MAD1L1: variants seen among roughly 807,000 people sequenced by gnomAD.
MAD1L1 encodes the protein mitotic spindle assembly checkpoint protein MAD1.
In MAD1L1, 95 loss-of-function variants were observed where a neutral mutation model predicts 96.9. The ratio of observed to expected loss-of-function variants is 0.98; its 90% confidence interval spans 0.83 to 1.16. MAD1L1 has a LOEUF of 1.16. Ranked by LOEUF, MAD1L1 falls within the 50% of genes most tolerant of loss-of-function variation. The probability of loss-of-function intolerance (pLI) is 0.00; values close to 1 mark genes in which losing one functional copy is unlikely to be tolerated. For synonymous variants in MAD1L1, 473 were observed against 396.6 expected, an observed-to-expected ratio of 1.19 and a Z score of -2.29; for missense variants, 1,007 against 954.4, an observed-to-expected ratio of 1.06 and a Z score of -0.73.
At chr7:1,894,307 G>A (rs1054143283) in intron 18 of MAD1L1, among the ~76,000 whole-genome samples, 2 of 152,148 alleles carry the variant, frequency 1.3e-5, no homozygotes, top group Non-Finnish European at 2.9e-5. Flanking sequence ...GGGAAGAGTC[G>A]GCTTACAGGG....
chr7:1,888,400 G>GTGTGGCTGCCTGTGCATGCA (rs1562493072), intron 18 of MAD1L1, among the ~76,000 whole-genome samples: 10 of 148,294 alleles, frequency 6.7e-5, no homozygotes, highest in Non-Finnish European at 1.3e-4. Flanking sequence ...GTGTGCATGC[G>GTGTGGCTGCCTGTGCATGCA]TGTGGCTGCC....
intron 16 of MAD1L1, among the ~76,000 whole-genome samples, chr7:1,946,223 GCAGGCCCAGGGGGT>G (rs1779222368): frequency 6.6e-6 from 1 of 152,218 alleles, no homozygotes; most frequent in African/African-American, 2.4e-5. Context: ...ACCTCTAGCT[GCAGGCCCAGGGGGT>G]CAGTGTGAGG....
intron 12 of MAD1L1, among the ~76,000 whole-genome samples, chr7:2,066,275 G>A (rs528370159): frequency 3.3e-5 from 5 of 152,316 alleles, no homozygotes; most frequent in East Asian, 3.9e-4. Context: ...CCAGCTGGGC[G>A]GGCTGCCATG....
intron 7 of MAD1L1, among the ~76,000 whole-genome samples, chr7:2,217,252 G>A (rs1365814221): frequency 6.6e-6 from 1 of 152,238 alleles, no homozygotes; most frequent in Non-Finnish European, 1.5e-5. Flanking sequence ...CACTGAACAG[G>A]CAGAGTATGA....
chr7:2,083,582 G>A (rs2128540482), intron 11 of MAD1L1, among the ~76,000 whole-genome samples: 1 of 152,338 alleles, frequency 6.6e-6, no homozygotes, highest in Middle Eastern at 3.4e-3. Context: ...GCGCAGGGCG[G>A]GCTGTCGGGA....
chr7:1,938,521 G>C (rs1163217949), intron 16 of MAD1L1, among the ~76,000 whole-genome samples: 1 of 152,054 alleles, frequency 6.6e-6, no homozygotes, highest in African/African-American at 2.4e-5. Flanking sequence ...TCACATTTCT[G>C]AGAAAGGGTT....
At chr7:2,053,486 G>A (rs1051433375) in intron 12 of MAD1L1, among the ~76,000 whole-genome samples, 4 of 152,252 alleles carry the variant, frequency 2.6e-5, no homozygotes, top group Non-Finnish European at 5.9e-5. Flanking sequence ...CTGCCTCAAT[G>A]CTATGAGCCG....
At position 2,219,484 on chromosome 7, in the gene MAD1L1, C is replaced by A. The variant is rs767927702; in HGVS notation, c.472-28G>T. On this transcript the variant is annotated intron_variant, in intron 5 of 18. Coordinates refer to ENST00000265854, the MANE Select transcript of MAD1L1 (RefSeq NM_001013836.2). Reference sequence around the variant, plus strand: ...AAAAGTAGAGGGGACCAGAGAGCCGCTCAGTGAGTGGAGCCCGTGCGTGGA... The same window carrying A: ...AAAAGTAGAGGGGACCAGAGAGCCGATCAGTGAGTGGAGCCCGTGCGTGGA... 12 of 1,609,534 alleles carry A rather than the reference C, an allele frequency of 7.5e-6. No homozygotes were observed. In the South Asian group the frequency reaches 1.3e-4, roughly 18 times the overall value.
rs140023512 is a variant in MAD1L1, at chr7:1,841,424, G to A, written c.1999-25196C>T. 6.3e-3 allele frequency among the ~76,000 whole-genome samples: 956 copies of A among 152,290 alleles called. 4 individuals are homozygous for A. The highest frequency in any genetic ancestry group is 0.01 in the Middle Eastern group (3 of 294). ...TTTGCTGTTTTATACCAAGTTGAGC[G>A]GCCTGTCATCTAGAAGCTTCTGTCC... On this transcript the variant is annotated intron_variant, in intron 18 of 18. Transcript: ENST00000265854.
intron 14 of MAD1L1, among the ~76,000 whole-genome samples, chr7:1,988,988 G>A (rs1781285480): frequency 6.6e-6 from 1 of 152,234 alleles, no homozygotes; most frequent in Non-Finnish European, 1.5e-5. Flanking sequence ...CCTCACAGGA[G>A]CCCCTTATAT....
At chr7:2,044,100 C>T (rs1783815143) in intron 12 of MAD1L1, among the ~76,000 whole-genome samples, 1 of 152,196 alleles carries the variant, frequency 6.6e-6, no homozygotes, top group African/African-American at 2.4e-5. Context: ...CTGGCGGCCA[C>T]AATGCGCCGC....
chr7:2,100,331 CT>C (rs1195835536), intron 11 of MAD1L1, among the ~76,000 whole-genome samples: 1 of 152,236 alleles, frequency 6.6e-6, no homozygotes, highest in African/African-American at 2.4e-5. Flanking sequence ...AAAGCACGGC[CT>C]TTTGACCTTG....
chr7:2,198,519 G>C (rs1410603891), intron 10 of MAD1L1, among the ~76,000 whole-genome samples: 1 of 152,254 alleles, frequency 6.6e-6, no homozygotes, highest in Non-Finnish European at 1.5e-5. Flanking sequence ...GCCGGAGCAA[G>C]GAGCCCGTGA....
At chr7:1,975,397 G>C (rs1166335082) in intron 15 of MAD1L1, among the ~76,000 whole-genome samples, 1 of 152,202 alleles carries the variant, frequency 6.6e-6, no homozygotes, top group African/African-American at 2.4e-5. Flanking sequence ...CTCCACGGTG[G>C]GCAGCAGGAG....
At chr7:2,045,993 G>A (rs144786127) in intron 12 of MAD1L1, among the ~76,000 whole-genome samples, 4 of 152,306 alleles carry the variant, frequency 2.6e-5, no homozygotes, top group African/African-American at 7.2e-5. Flanking sequence ...CCATGACAGA[G>A]GCGGCAGTGG....
chr7:2,124,872 G>C lies in MAD1L1; in HGVS notation c.1073+24280C>G, dbSNP rs575033218. 3.3e-5 allele frequency among the ~76,000 whole-genome samples: 5 copies of C among 152,336 alleles called. No individual in the cohort carries two copies. The East Asian group carries it at 9.7e-4, about 29-fold the overall frequency. On this transcript the variant is annotated intron_variant, in intron 11 of 18. Transcript: ENST00000265854. ...GAAGGAGGACGCAGGGGCTCGGCCA[G>C]TGATGCCAGCGGGCCTCCCTGGAGC...
rs1388399810 is a variant in MAD1L1 at position 2,109,588 on chromosome 7, CT to C, written c.1073+39563del. 4 of 152,338 alleles carry C rather than the reference CT, an allele frequency of 2.6e-5. No individual in the cohort carries two copies. In the South Asian group the frequency reaches 8.3e-4, roughly 32 times the overall value. The allele number at this position is 152,338 out of a possible 1,614,324, so 9.4% of individuals were successfully genotyped here. A position where few individuals can be genotyped will look rare whatever the true frequency, so the allele number is the denominator to read the frequency against. On this transcript the variant is annotated intron_variant, in intron 11 of 18. Coordinates refer to ENST00000265854, the MANE Select transcript of MAD1L1 (RefSeq NM_001013836.2). ...CAGCTTTAGGGACTACATCAGAAGA[CT>C]TCCCCACAATCCAAGATTGTCAAGA...
intron 10 of MAD1L1, among the ~76,000 whole-genome samples, chr7:2,167,289 T>C (rs369522014): frequency 2.0e-5 from 3 of 152,184 alleles, no homozygotes; most frequent in Non-Finnish European, 2.9e-5. Context: ...AGCTCATGCC[T>C]GTAATCCCAG....
At chr7:2,011,027 A>C (rs371522542) in intron 13 of MAD1L1, among the ~76,000 whole-genome samples, 8 of 152,214 alleles carry the variant, frequency 5.3e-5, no homozygotes, top group African/African-American at 1.9e-4. Context: ...GAAAGAAAAG[A>C]AAAACCGGGT....
Sources: allele counts gnomAD v4.1 joint callset (sites outside exome capture counted in the v4.1 genomes callset), GRCh38; gene constraint gnomAD v4.1.1; transcripts MANE v1.5; gene names NCBI Gene and HGNC (gene_info 2026-07-23, HGNC 2026-07-21).